Variants in RIGI observed in about 807,000 individuals in gnomAD.
RIGI encodes the protein antiviral innate immune response receptor RIG-I.
At chr9:32,471,867 A>G in the RIGI span, among the ~76,000 whole-genome samples, 1 of 152,170 alleles carries the variant, frequency 6.6e-6, no homozygotes, top group African/African-American at 2.4e-5. Flanking sequence ...ACTTTTTAAG[A>G]TCTGAATCTA....
At chr9:32,524,613 T>G in the RIGI span, among the ~76,000 whole-genome samples, 3 of 136,344 alleles carry the variant, frequency 2.2e-5, no homozygotes, top group South Asian at 5.0e-4. Context: ...TTTTTTTTTT[T>G]TTTTTTTTTT....
chr9:32,494,040 G>T, the RIGI span: 1 of 937,440 alleles, frequency 1.1e-6, no homozygotes, highest in Non-Finnish European at 1.6e-6. Flanking sequence ...TATGGTGGTA[G>T]AATTCAAAAA....
At chr9:32,496,191 G>A in the RIGI span, among the ~76,000 whole-genome samples, 2 of 152,012 alleles carry the variant, frequency 1.3e-5, no homozygotes, top group African/African-American at 4.8e-5. Context: ...TTTCCCCTAT[G>A]CTTTCTTCTA....
chr9:32,492,207 A>G, the RIGI span, among the ~76,000 whole-genome samples: 1 of 152,276 alleles, frequency 6.6e-6, no homozygotes, highest in East Asian at 1.9e-4. Flanking sequence ...TAGGGGTTAT[A>G]TGCAACCAAA....
chr9:32,493,531 G>A, the RIGI span, among the ~76,000 whole-genome samples: 3 of 152,034 alleles, frequency 2.0e-5, no homozygotes, highest in African/African-American at 2.4e-5. Context: ...GGCGAGGCAG[G>A]AGAATTGGTT....
the RIGI span, among the ~76,000 whole-genome samples, chr9:32,479,154 C>CA: frequency 6.6e-6 from 1 of 152,066 alleles, no homozygotes; most frequent in Non-Finnish European, 1.5e-5. Context: ...GCCATGGATA[C>CA]AAAAAATCTG....
At chr9:32,523,231 A>G in the RIGI span, among the ~76,000 whole-genome samples, 1 of 152,182 alleles carries the variant, frequency 6.6e-6, no homozygotes, top group East Asian at 1.9e-4. Flanking sequence ...GCAGCCAGCA[A>G]AAGAACCTAG....
At chr9:32,481,608 C>G in the RIGI span, 1 of 786,102 alleles carries the variant, frequency 1.3e-6, no homozygotes. Context: ...TTCCTCGAGG[C>G]AGAGTCTCGC....
the RIGI span, among the ~76,000 whole-genome samples, chr9:32,496,492 T>C: frequency 6.6e-6 from 1 of 152,158 alleles, no homozygotes; most frequent in East Asian, 1.9e-4. Context: ...AATTCTCTTT[T>C]CTTGAGCTCA....
the RIGI span, chr9:32,476,930 T>C: frequency 6.8e-7 from 1 of 1,477,990 alleles, no homozygotes; most frequent in East Asian, 2.3e-5. Flanking sequence ...CCCAATCTTT[T>C]CAATGAATAG....
chr9:32,497,212 T>C, the RIGI span, among the ~76,000 whole-genome samples: 1 of 152,222 alleles, frequency 6.6e-6, no homozygotes, highest in Non-Finnish European at 1.5e-5. Flanking sequence ...CTTTCATTCT[T>C]TCAGCAATGT....
chr9:32,520,096 T>C, the RIGI span, among the ~76,000 whole-genome samples: 1 of 152,202 alleles, frequency 6.6e-6, no homozygotes, highest in Admixed American at 6.5e-5. Flanking sequence ...TCATATTGAA[T>C]TTCCAAAACT....
chr9:32,486,586 G>A, the RIGI span, among the ~76,000 whole-genome samples: 1 of 151,142 alleles, frequency 6.6e-6, no homozygotes, highest in Admixed American at 6.6e-5. Flanking sequence ...AGCAAGAGTA[G>A]TCATGTATAT....
the RIGI span, chr9:32,466,593 C>T: frequency 4.8e-5 from 31 of 646,688 alleles, no homozygotes; most frequent in Middle Eastern, 1.9e-3. Flanking sequence ...AGAGTGAACT[C>T]ATGAGGCAGG....
chr9:32,519,445 T>C, the RIGI span, among the ~76,000 whole-genome samples: 1 of 152,214 alleles, frequency 6.6e-6, no homozygotes, highest in African/African-American at 2.4e-5. Flanking sequence ...TTTGCTTACC[T>C]CTAATGAACT....
At chr9:32,460,034 A>C in the RIGI span, among the ~76,000 whole-genome samples, 1 of 152,164 alleles carries the variant, frequency 6.6e-6, no homozygotes, top group African/African-American at 2.4e-5. Flanking sequence ...AGGGGGAGGT[A>C]ATTGAATCAT....
chr9:32,477,544 A>C, the RIGI span, among the ~76,000 whole-genome samples: 1 of 152,216 alleles, frequency 6.6e-6, no homozygotes, highest in Non-Finnish European at 1.5e-5. Context: ...TAAGGGAGCT[A>C]TGTACATGAT....
At chr9:32,478,026 G>T in the RIGI span, among the ~76,000 whole-genome samples, 2 of 151,988 alleles carry the variant, frequency 1.3e-5, no homozygotes, top group Non-Finnish European at 2.9e-5. Flanking sequence ...AACTGTTGTG[G>T]TTTCTGTTTT....
the RIGI span, among the ~76,000 whole-genome samples, chr9:32,479,294 T>G: frequency 1.3e-5 from 2 of 152,180 alleles, no homozygotes; most frequent in African/African-American, 4.8e-5. Flanking sequence ...TAAGCTTATG[T>G]ACATATATAT....
Sources: allele counts gnomAD v4.1 joint callset (sites outside exome capture counted in the v4.1 genomes callset), GRCh38; gene constraint gnomAD v4.1.1; transcripts MANE v1.5; gene names NCBI Gene and HGNC (gene_info 2026-07-23, HGNC 2026-07-21).